The following ELP4 variants were observed in gnomAD, a reference collection of about 807,000 sequenced individuals.
ELP4 encodes elongator acetyltransferase complex subunit 4.
Under a neutral mutation model 48.9 loss-of-function variants are expected in ELP4, and 51 were observed. That is an observed-to-expected ratio of 1.04 (90% CI 0.83 to 1.32). The LOEUF is 1.32. Ranked by LOEUF, ELP4 falls within the 40% of genes most tolerant of loss-of-function variation. ELP4 has a pLI of 0.00. For synonymous variants in ELP4, 210 were observed against 189.2 expected (o/e 1.11, Z -0.90); for missense variants, 519 against 514.6 (o/e 1.01, Z -0.08).
At chr11:31,713,512 A>G (rs1946783244) in intron 9 of ELP4, among the ~76,000 whole-genome samples, 1 of 152,184 alleles carries the variant, frequency 6.6e-6, no homozygotes. Flanking sequence ...AGCAATGGTA[A>G]AAGTTTTATC....
chr11:31,546,894 A>G (rs1956731810), intron 3 of ELP4, among the ~76,000 whole-genome samples: 1 of 152,252 alleles, frequency 6.6e-6, no homozygotes, highest in Non-Finnish European at 1.5e-5. Context: ...TACTGGGTAC[A>G]TAACAAAATG....
At chr11:31,752,707 G>T (rs1431071551) in intron 9 of ELP4, among the ~76,000 whole-genome samples, 1 of 151,806 alleles carries the variant, frequency 6.6e-6, no homozygotes, top group Non-Finnish European at 1.5e-5. Flanking sequence ...GGTGGTGGGC[G>T]CCTGTAGTCC....
At chr11:31,715,559 A>C (rs547748513) in intron 9 of ELP4, among the ~76,000 whole-genome samples, 13 of 152,336 alleles carry the variant, frequency 8.5e-5, no homozygotes, top group African/African-American at 2.6e-4. Flanking sequence ...TCTAAATATT[A>C]AGATCAGGCA....
chr11:31,746,566 T>G (rs56202581), intron 9 of ELP4, among the ~76,000 whole-genome samples: 4 of 152,220 alleles, frequency 2.6e-5, no homozygotes, highest in South Asian at 2.1e-4. Context: ...CCATAAAAAA[T>G]GATGAGTTCA....
chr11:31,617,184 C>T (rs1565081250), intron 5 of ELP4, among the ~76,000 whole-genome samples: 1 of 151,986 alleles, frequency 6.6e-6, no homozygotes, highest in Non-Finnish European at 1.5e-5. Flanking sequence ...AACTGATGAA[C>T]TGATAAATAA....
intron 3 of ELP4, among the ~76,000 whole-genome samples, chr11:31,570,944 C>T (rs994096802): frequency 5.3e-5 from 8 of 151,568 alleles, no homozygotes; most frequent in Admixed American, 3.3e-4. Context: ...GGACTACAGG[C>T]GCACGCCAGC....
intron 3 of ELP4, among the ~76,000 whole-genome samples, chr11:31,560,184 T>C (rs1592116787): frequency 6.6e-6 from 1 of 152,136 alleles, no homozygotes; most frequent in East Asian, 1.9e-4. Flanking sequence ...GAAGATAATA[T>C]CTCACCTCAT....
chr11:31,613,548 A>T (rs1267742767), intron 5 of ELP4, among the ~76,000 whole-genome samples: 1 of 152,124 alleles, frequency 6.6e-6, no homozygotes, highest in Non-Finnish European at 1.5e-5. Flanking sequence ...AATATCCTGC[A>T]ATCGTTTTTC....
intron 9 of ELP4, among the ~76,000 whole-genome samples, chr11:31,778,217 CAGA>C (rs1948290016): frequency 6.6e-6 from 1 of 152,186 alleles, no homozygotes; most frequent in African/African-American, 2.4e-5. Context: ...TACACTGGCC[CAGA>C]AGCCAGGCAT....
intron 7 of ELP4, among the ~76,000 whole-genome samples, chr11:31,640,720 G>A (rs1945077030): frequency 6.6e-6 from 1 of 151,972 alleles, no homozygotes; most frequent in Non-Finnish European, 1.5e-5. Flanking sequence ...AATTAGACTA[G>A]CAAATTGTAC....
intron 3 of ELP4, among the ~76,000 whole-genome samples, chr11:31,556,276 A>T (rs2133935410): frequency 6.6e-6 from 1 of 152,046 alleles, no homozygotes; most frequent in African/African-American, 2.4e-5. Flanking sequence ...TTAAAAACAC[A>T]TATAAGTATT....
At chr11:31,598,503 C>CTTTTTTTT (rs10702222) in intron 4 of ELP4, among the ~76,000 whole-genome samples, 349 of 77,624 alleles carry the variant, frequency 4.5e-3, no homozygotes, top group Non-Finnish European at 5.9e-3. Context: ...TTTTCTTCTT[C>CTTTTTTTT]TTTTTTTTTT....
intron 9 of ELP4, among the ~76,000 whole-genome samples, chr11:31,673,334 T>C (rs1945849884): frequency 6.6e-6 from 1 of 151,768 alleles, no homozygotes; most frequent in African/African-American, 2.4e-5. Flanking sequence ...TGTTTGTTTT[T>C]GTTTGTTTGT....
intron 5 of ELP4, among the ~76,000 whole-genome samples, chr11:31,613,437 A>G (rs1958018618): frequency 6.6e-6 from 1 of 152,184 alleles, no homozygotes; most frequent in Non-Finnish European, 1.5e-5. Flanking sequence ...GGAAATGCCA[A>G]ACATTATTGA....
At chr11:31,625,962 GCC>G (rs1944734802) in intron 5 of ELP4, among the ~76,000 whole-genome samples, 3 of 151,804 alleles carry the variant, frequency 2.0e-5, no homozygotes, top group Non-Finnish European at 4.4e-5. Flanking sequence ...ATGAGAAATA[GCC>G]AAAGTACCAA....
intron 3 of ELP4, among the ~76,000 whole-genome samples, chr11:31,587,983 A>G (rs574593018): frequency 3.3e-5 from 5 of 152,204 alleles, no homozygotes; most frequent in South Asian, 2.1e-4. Context: ...TTTCCTTCCT[A>G]TTCTTCAACT....
intron 3 of ELP4, among the ~76,000 whole-genome samples, chr11:31,545,072 C>G (rs984293141): frequency 2.0e-5 from 3 of 151,792 alleles, no homozygotes; most frequent in Admixed American, 6.6e-5. Context: ...GGAGAAAAAG[C>G]AGAGCACCTC....
intron 9 of ELP4, among the ~76,000 whole-genome samples, chr11:31,696,971 C>T (rs972248938): frequency 1.3e-5 from 2 of 151,838 alleles, no homozygotes; most frequent in African/African-American, 4.8e-5. Context: ...GGAAGATCTA[C>T]CAAGCAAATG....
At chr11:31,565,513 C>G (rs1190204894) in intron 3 of ELP4, among the ~76,000 whole-genome samples, 3 of 147,918 alleles carry the variant, frequency 2.0e-5, no homozygotes, top group Non-Finnish European at 4.4e-5. Context: ...TTCGGTCTAA[C>G]ATTTAAGTCT....
Sources: gnomAD v4.1 joint callset for allele counts (sites outside exome capture counted in the v4.1 genomes callset) on GRCh38, gnomAD v4.1.1 for gene constraint, MANE v1.5 for transcripts, NCBI Gene and HGNC (gene_info 2026-07-23, HGNC 2026-07-21) for gene names.